Variants in NFAT5 observed in about 807,000 individuals in gnomAD.
NFAT5 encodes nuclear factor of activated T cells 5.
A neutral mutation model predicts 166.5 loss-of-function variants in NFAT5; 31 were observed. That is an observed-to-expected ratio of 0.19 (90% confidence interval 0.14 to 0.25). NFAT5 has a LOEUF of 0.25. Ranked by LOEUF, NFAT5 falls within the 10% of genes least tolerant of loss-of-function variation. NFAT5 has a pLI of 1.00. For missense variants in NFAT5, 1,449 were observed against 1,821.8 expected (o/e 0.80, Z 3.72); for synonymous variants, 612 against 639.7 (o/e 0.96, Z 0.65).
chr16:69,668,717 C>T (rs186823898), intron 7 of NFAT5, among the ~76,000 whole-genome samples: 1 of 151,834 alleles, frequency 6.6e-6, no homozygotes, highest in East Asian at 1.9e-4. Context: ...CTTGCTGTGT[C>T]ACCCAGGCTG....
At chr16:69,668,957 A>C (rs1027560839) in intron 7 of NFAT5, among the ~76,000 whole-genome samples, 3 of 152,174 alleles carry the variant, frequency 2.0e-5, no homozygotes, top group Non-Finnish European at 2.9e-5. Flanking sequence ...ACACCGGTGC[A>C]GTCATGACTC....
rs1245505613 is a variant in NFAT5, at chr16:69,703,005, A to G, written c.*6654A>G. ...GGTGCAATGTTCTATGTTTATTTTA[A>G]TTGTTATGACATTTAAGTAGCTAAT... On this transcript the variant is annotated 3_prime_UTR_variant, in exon 15 of 15. Transcript: ENST00000349945. 6.6e-6 allele frequency: 1 copy of G among 152,624 alleles called. No homozygotes were observed. Among genetic ancestry groups the G allele is most frequent in the Non-Finnish European group, 1.5e-5 (1 of 68,026 alleles). The allele number at this position is 152,624 out of a possible 1,614,324, so 9.5% of individuals were successfully genotyped here.
chr16:69,610,293 G>A (rs2033647476), intron 2 of NFAT5, among the ~76,000 whole-genome samples: 1 of 152,024 alleles, frequency 6.6e-6, no homozygotes, highest in Admixed American at 6.6e-5. Context: ...TCAGGTAGTA[G>A]GATATTCTGG....
At chr16:69,683,989 C>T (rs1229725961) in intron 10 of NFAT5, among the ~76,000 whole-genome samples, 1 of 152,034 alleles carries the variant, frequency 6.6e-6, no homozygotes, top group Non-Finnish European at 1.5e-5. Flanking sequence ...GTCCCAGCTA[C>T]TTGGGAGGCT....
At chr16:69,572,932 T>A (rs542983484) in intron 2 of NFAT5, among the ~76,000 whole-genome samples, 1 of 152,306 alleles carries the variant, frequency 6.6e-6, no homozygotes, top group African/African-American at 2.4e-5. Context: ...AACCTCTGCC[T>A]CCTGGGTTTA....
In NFAT5 at chr16:69,698,578, A is replaced by G. The variant is rs1038837466; in HGVS notation, c.*2227A>G. On this transcript the variant is annotated 3_prime_UTR_variant, in exon 15 of 15. Transcript: ENST00000349945. ...CCTGTTCATCTGTGGCCATTCCATC[A>G]GGCAGTTAGTTCCTTGATGTCAGTA... is the stretch of plus-strand genomic sequence containing the variant. 1 of 152,446 alleles carries G rather than the reference A, an allele frequency of 6.6e-6. No individual in the cohort carries two copies. Among genetic ancestry groups the G allele is most frequent in the African/African-American group, 2.4e-5 (1 of 41,374 alleles). The allele number at this position is 152,446 out of a possible 1,614,324, so 9.4% of individuals were successfully genotyped here. A position where few individuals can be genotyped will look rare whatever the true frequency, so the allele number is the denominator to read the frequency against.
At chr16:69,658,588 G>C (rs1426187506) in intron 6 of NFAT5, among the ~76,000 whole-genome samples, 1 of 152,086 alleles carries the variant, frequency 6.6e-6, no homozygotes, top group Non-Finnish European at 1.5e-5. Flanking sequence ...CCCAACACTG[G>C]GAGGCTGAGG....
At chr16:69,613,739 C>A (rs1486549426) in intron 2 of NFAT5, among the ~76,000 whole-genome samples, 1 of 152,178 alleles carries the variant, frequency 6.6e-6, no homozygotes, top group Non-Finnish European at 1.5e-5. Context: ...ACACTTCATA[C>A]TTTATTAAAG....
Position 69,702,234 on chromosome 16 carries a change from A to G in NFAT5, c.*5883A>G, listed in dbSNP as rs933130262. 1 of 152,658 alleles carries G rather than the reference A, an allele frequency of 6.6e-6. No individual in the cohort carries two copies. The highest frequency in any genetic ancestry group is 2.4e-5 in the African/African-American group (1 of 41,452). 9.5% of individuals were successfully genotyped at this position (152,658 alleles called of 1,614,324 possible). On this transcript the variant is annotated 3_prime_UTR_variant, in exon 15 of 15. Coordinates refer to ENST00000349945, the MANE Select transcript of NFAT5 (RefSeq NM_138713.4). ...ATTCCTTCCTAATGAATTCATCTTA[A>G]CTATTTAGAATGTTATGTCCCTTTT...
At chr16:69,638,624 G>A (rs189378522) in intron 3 of NFAT5, among the ~76,000 whole-genome samples, 37 of 150,646 alleles carry the variant, frequency 2.5e-4, no homozygotes, top group South Asian at 6.3e-4. Context: ...TAATCCCAGC[G>A]ACTCGGGAGG....
intron 7 of NFAT5, among the ~76,000 whole-genome samples, chr16:69,661,638 G>A (rs1176030664): frequency 1.4e-5 from 2 of 142,844 alleles, no homozygotes; most frequent in Non-Finnish European, 3.0e-5. Flanking sequence ...ATGCCTCATT[G>A]CTCATTCAGT....
intron 2 of NFAT5, among the ~76,000 whole-genome samples, chr16:69,620,375 A>G (rs548853972): frequency 2.6e-5 from 4 of 152,326 alleles, no homozygotes; most frequent in Non-Finnish European, 1.5e-5. Flanking sequence ...TTTTAATGAA[A>G]TTTAGGTGAG....
In NFAT5 at chr16:69,693,257, A is replaced by G; in HGVS notation, c.3432A>G (p.Leu1144=). The G allele has an allele frequency of 1.9e-6, 3 of 1,614,248 alleles. No homozygotes were observed. Among genetic ancestry groups the G allele is most frequent in the Non-Finnish European group, 2.5e-6 (3 of 1,180,038 alleles). ...ACTCTCAAAGTACCATTGCTGTGTT[A>G]CAGGGCTCTTCAGTTCCTCAAGACC... The part of the protein sequence containing the change: ...MFHSQSTIAV[L]QGSSVPQDQQ... The change falls in exon 13 of 15, where the codon TTA becomes TTG. Residue 1144 remains leucine, a synonymous_variant. Transcript: ENST00000349945.
chr16:69,606,140 A>G (rs1324877377), intron 2 of NFAT5, among the ~76,000 whole-genome samples: 2 of 152,192 alleles, frequency 1.3e-5, no homozygotes, highest in African/African-American at 2.4e-5. Flanking sequence ...AAAGGGCTAT[A>G]TGATCAAGAA....
At position 69,703,442 on chromosome 16, in the gene NFAT5, A is replaced by G. The variant is rs1183906844; in HGVS notation, c.*7091A>G. On this transcript the variant is annotated 3_prime_UTR_variant, in exon 15 of 15. Transcript: ENST00000349945. The stretch of plus-strand genomic sequence containing the variant: ...TTCTCAAGTGTATGCATCATGGTAA[A>G]TATAAACTAACCACAAGATAGGTAG... 1.3e-5 allele frequency: 2 copies of G among 152,656 alleles called. No individual in the cohort carries two copies. Among genetic ancestry groups the G allele is most frequent in the Non-Finnish European group, 2.9e-5 (2 of 68,028 alleles). 9.5% of individuals were successfully genotyped at this position (152,656 alleles called of 1,614,324 possible). A position where few individuals can be genotyped will look rare whatever the true frequency, so the allele number is the denominator to read the frequency against.
rs144695292 is a variant in NFAT5, at chr16:69,641,683, TATG to T, written c.254-5344_254-5342del. 1.4e-3 allele frequency among the ~76,000 whole-genome samples: 208 copies of T among 152,316 alleles called. 1 individual carries two copies. The highest frequency in any genetic ancestry group is 4.7e-3 in the African/African-American group (195 of 41,566). The stretch of plus-strand genomic sequence containing the variant: ...TATGATATTTTAAGCACTAATATAT[TATG>T]GTAGTTAAAATAATTTCTAGTTGAC... On this transcript the variant is annotated intron_variant, in intron 3 of 14. Coordinates refer to ENST00000349945, the MANE Select transcript of NFAT5 (RefSeq NM_138713.4).
At chr16:69,626,355 T>G in intron 2 of NFAT5, 48 bp from the exon 3 acceptor site, 11 of 1,533,448 alleles carry the variant, frequency 7.2e-6, no homozygotes, top group Non-Finnish European at 8.8e-6. Flanking sequence ...GATTGTTGAC[T>G]GAATCTCTTT....
intron 7 of NFAT5, among the ~76,000 whole-genome samples, chr16:69,661,966 TAATCGGAGC>T (rs2036163982): frequency 6.6e-6 from 1 of 152,164 alleles, no homozygotes; most frequent in African/African-American, 2.4e-5. Flanking sequence ...CTCACACCTA[TAATCGGAGC>T]ACTTTGGGAG....
At chr16:69,653,206 CT>C in intron 4 of NFAT5, 29 bp from the exon 5 acceptor site, 1 of 1,437,792 alleles carries the variant, frequency 7.0e-7, no homozygotes, top group Non-Finnish European at 9.3e-7. Context: ...CTTTTTGATA[CT>C]TTCTCCATGT....
Sources: gnomAD v4.1 joint callset for allele counts (sites outside exome capture counted in the v4.1 genomes callset) on GRCh38, gnomAD v4.1.1 for gene constraint, MANE v1.5 for transcripts, NCBI Gene and HGNC (gene_info 2026-07-23, HGNC 2026-07-21) for gene names.